The following AP1G2 variants were observed in gnomAD, a reference collection of about 807,000 sequenced individuals.
The protein encoded by AP1G2 is AP-1 complex subunit gamma-like 2.
A neutral mutation model predicts 95.8 loss-of-function variants in AP1G2; 85 were observed. That is an observed-to-expected ratio of 0.89 (90% CI 0.74 to 1.06). The LOEUF is 1.06. AP1G2 is among the 50% of genes least tolerant of loss of function. The pLI is 0.00. For missense variants in AP1G2, 967 were observed against 1,005.8 expected (o/e 0.96, Z 0.52); for synonymous variants, 378 against 400.0 (o/e 0.94, Z 0.66).
rs1048134682 is a variant in AP1G2 at position 23,562,770 on chromosome 14, A to G, written c.1411-177T>C. 9.0e-5 allele frequency: 60 copies of G among 663,820 alleles called. No individual in the cohort carries two copies. In the African/African-American group the frequency reaches 1.1e-3, roughly 12 times the overall value. The allele number at this position is 663,820 out of a possible 1,614,324, so 41.1% of individuals were successfully genotyped here. Reference sequence around the variant, plus strand: ...TTAAAAAAAAAAAGAGAGAGAGAGAAAGAAAGAAACACTGCTGGGCCAGTG... The same window carrying G: ...TTAAAAAAAAAAAGAGAGAGAGAGAGAGAAAGAAACACTGCTGGGCCAGTG... On this transcript the variant is annotated intron_variant, in intron 14 of 21. Transcript: ENST00000397120.
chr14:23,564,149 G>C lies in AP1G2; in HGVS notation c.988C>G (p.Leu330Val), dbSNP rs200868486. The change falls in exon 11 of 22, where the codon CTG becomes GTG. Residue 330 changes from leucine to valine, a missense_variant. Leu to Val is a conservative substitution (Grantham distance 32). Transcript: ENST00000397120. Reference sequence around the variant, plus strand: ...TGCACCAGTCGAAGCAGTGATGTCAGGGCTACATACCTGGTCAGGATGGGG... The same window carrying C: ...TGCACCAGTCGAAGCAGTGATGTCACGGCTACATACCTGGTCAGGATGGGG... ...NSDRNIRYVALTSLLRLVQSD... is the reference protein window; with the variant it reads ...NSDRNIRYVAVTSLLRLVQSD... 1 of 1,614,098 alleles carries C rather than the reference G, an allele frequency of 6.2e-7. No homozygotes were observed. The highest frequency in any genetic ancestry group is 1.3e-5 in the African/African-American group (1 of 75,060).
At position 23,562,596 on chromosome 14, in the gene AP1G2, A is replaced by G. The variant is rs775707167; in HGVS notation, c.1411-3T>C. ...GCTGCCACCTGCACCAGTGGTTGCT[A>G]CATGGGATAAGAAACTGCTGGGCTG... On this transcript the variant is annotated splice_polypyrimidine_tract_variant and splice_region_variant and intron_variant, in intron 14 of 21. Coordinates refer to ENST00000397120, the MANE Select transcript of AP1G2 (RefSeq NM_003917.5). 4 of 1,613,312 alleles carry G rather than the reference A, an allele frequency of 2.5e-6. No individual in the cohort carries two copies. The highest frequency in any genetic ancestry group is 3.4e-6 in the Non-Finnish European group (4 of 1,179,710).
Position 23,567,332 on chromosome 14 carries a change from G to A in AP1G2, c.-5-13C>T, listed in dbSNP as rs1034808037. The A allele has an allele frequency of 6.2e-6, 10 of 1,609,384 alleles. No homozygotes were observed. The highest frequency in any genetic ancestry group is 1.3e-5 in the African/African-American group (1 of 74,732). The stretch of plus-strand genomic sequence containing the variant: ...ACCACCATCCTGACTGGCAGAGTCC[G>A]GGAGTGGAGAAACACTCTCTGGTCG... On this transcript the variant is annotated splice_polypyrimidine_tract_variant and intron_variant, in intron 1 of 21. Coordinates refer to ENST00000397120, the MANE Select transcript of AP1G2 (RefSeq NM_003917.5). This position sits in a 1 kb window ranked among gnomAD's most constrained non-coding sequence, Gnocchi z 5.3.
chr14:23,567,513 T>G lies in AP1G2; in HGVS notation c.-5-194A>C. The G allele has an allele frequency of 2.2e-6, 3 of 1,377,764 alleles. No individual in the cohort carries two copies. Among genetic ancestry groups the G allele is most frequent in the Non-Finnish European group, 2.8e-6 (3 of 1,074,070 alleles). The allele number at this position is 1,377,764 out of a possible 1,614,324, so 85.3% of individuals were successfully genotyped here. A position where few individuals can be genotyped will look rare whatever the true frequency, so the allele number is the denominator to read the frequency against. On this transcript the variant is annotated intron_variant, in intron 1 of 21. Transcript: ENST00000397120. This position sits in a 1 kb window ranked among gnomAD's most constrained non-coding sequence, Gnocchi z 5.3. ...CACCGCCCGAGAAGCCCACTACGCATGCGTCCGCACCCCACCGGCGCCCCT... is the reference window on the plus strand; with the variant it reads ...CACCGCCCGAGAAGCCCACTACGCAGGCGTCCGCACCCCACCGGCGCCCCT...
chr14:23,565,053 GA>G, intron 8 of AP1G2, 65 bp downstream of exon 8: 1 of 1,495,302 alleles, frequency 6.7e-7, no homozygotes, highest in Non-Finnish European at 9.3e-7. Flanking sequence ...CGAGTCATGT[GA>G]GGGGCACCCA....
In AP1G2 at chr14:23,564,605, G is replaced by A. The variant is rs778792354; in HGVS notation, c.878C>T (p.Thr293Ile). The A allele has an allele frequency of 2.3e-5, 37 of 1,613,578 alleles. No individual in the cohort carries two copies. Among genetic ancestry groups the A allele is most frequent in the Non-Finnish European group, 3.1e-5 (37 of 1,180,024 alleles). ...GCGGATATCCATGATGGTGAGTACT[G>A]TCTCAAACAGGACCGCATTTCCGGC... is the stretch of plus-strand genomic sequence containing the variant. ...RNAGNAVLFE[T>I]VLTIMDIRSA... Residue 293 changes from threonine to isoleucine, a missense_variant, in exon 9 of 22, where the codon ACA becomes ATA. Physicochemically the swap from Thr to Ile is moderately conservative, Grantham distance 89. Coordinates refer to ENST00000397120, the MANE Select transcript of AP1G2 (RefSeq NM_003917.5).
chr14:23,566,811 C>T (rs1888252780), intron 2 of AP1G2, 125 bp from the exon 3 acceptor site: 2 of 1,373,228 alleles, frequency 1.5e-6, no homozygotes, highest in Non-Finnish European at 2.0e-6. Flanking sequence ...ACTCTCCCTT[C>T]AACAAGAGGA....
At position 23,564,436 on chromosome 14, in the gene AP1G2, A is replaced by T. The variant is rs73589291; in HGVS notation, c.922-48T>A. ...TCAGTCGGAAAGGAGCAACCTGCTCAGCCATTGAGGACTGGGAACACATTG... is the reference window on the plus strand; with the variant it reads ...TCAGTCGGAAAGGAGCAACCTGCTCTGCCATTGAGGACTGGGAACACATTG... On this transcript the variant is annotated intron_variant, in intron 9 of 21. Transcript: ENST00000397120. The T allele has an allele frequency of 6.3e-3, 10,197 of 1,610,610 alleles. 531 individuals carry two copies. In the African/African-American group the frequency reaches 0.11, roughly 18 times the overall value.
At position 23,566,563 on chromosome 14, in the gene AP1G2, T is replaced by C. The variant is rs188393245; in HGVS notation, c.328A>G (p.Asn110Asp). 62 of 1,614,018 alleles carry C rather than the reference T, an allele frequency of 3.8e-5. No homozygotes were observed. In the African/African-American group the frequency reaches 8.0e-4, roughly 21 times the overall value. ...AAGTGATTGCCAGAACCCTCTCACTTCTTGATGCTGTTGGTAATGAGCAGG... is the reference window on the plus strand; with the variant it reads ...AAGTGATTGCCAGAACCCTCTCACTCCTTGATGCTGTTGGTAATGAGCAGG... ...AHLLITNSIK[N>D]DLSQGIQPVQ... Residue 110 changes from asparagine (N) to aspartate (D), a missense_variant and splice_region_variant, in exon 3 of 22, where the codon AAT (asparagine) becomes GAT (aspartate). Asn to Asp is a conservative substitution (Grantham distance 23). Transcript: ENST00000397120.
chr14:23,564,101 G>A lies in AP1G2; in HGVS notation c.1036C>T (p.Arg346Trp), dbSNP rs150765007. 50 of 1,614,094 alleles carry A rather than the reference G, an allele frequency of 3.1e-5. No homozygotes were observed. Among genetic ancestry groups the A allele is most frequent in the South Asian group, 5.5e-5 (5 of 91,086 alleles). ...LVQSDHSAVQ[R>W]HRPTVVECLR... ...CATTCCACCACAGTGGGCCGATGCC[G>A]CTGCACAGCACTGTGATCAGACTGC... Residue 346 changes from arginine to tryptophan, a missense_variant, in exon 11 of 22, where the codon CGG becomes TGG. By Grantham distance (101) the Arg-to-Trp change is moderately radical. Coordinates refer to ENST00000397120, the MANE Select transcript of AP1G2 (RefSeq NM_003917.5).
chr14:23,562,636 C>T (rs1431502783), intron 14 of AP1G2, 43 bp from the exon 15 acceptor site: 2 of 1,581,150 alleles, frequency 1.3e-6, no homozygotes, highest in East Asian at 4.7e-5. Flanking sequence ...GGCATGGTGG[C>T]TCAAGCCTGT....
rs1356633680 is a variant in AP1G2, at chr14:23,563,593, C to G, written c.1278G>C (p.Val426=). ...CTGGCCCCTGCCTCACCGTTGTCAGCACATGCAGGATGGTGTCTATGTGCC... is the reference window on the plus strand; with the variant it reads ...CTGGCCCCTGCCTCACCGTTGTCAGGACATGCAGGATGGTGTCTATGTGCC... ...KRWHIDTILH[V]LTTAGTHVRD... is the part of the protein sequence containing the mutation. Residue 426 remains valine, a synonymous_variant, in exon 13 of 22, where the codon GTG becomes GTC. Coordinates refer to ENST00000397120, the MANE Select transcript of AP1G2 (RefSeq NM_003917.5). 1 of 1,614,228 alleles carries G rather than the reference C, an allele frequency of 6.2e-7. No individual in the cohort carries two copies. Among genetic ancestry groups the G allele is most frequent in the Non-Finnish European group, 8.5e-7 (1 of 1,180,034 alleles).
In AP1G2 at chr14:23,564,450, G is replaced by A; in HGVS notation, c.922-62C>T. On this transcript the variant is annotated intron_variant, in intron 9 of 21. Coordinates refer to ENST00000397120, the MANE Select transcript of AP1G2 (RefSeq NM_003917.5). The stretch of plus-strand genomic sequence containing the variant: ...GCAACCTGCTCAGCCATTGAGGACT[G>A]GGAACACATTGGCGCAAGATGATGG... 5 of 1,605,012 alleles carry A rather than the reference G, an allele frequency of 3.1e-6. No individual in the cohort carries two copies. In the South Asian group the frequency reaches 5.5e-5, roughly 18 times the overall value.
At position 23,561,356 on chromosome 14, in the gene AP1G2, G is replaced by A; in HGVS notation, c.1933C>T (p.Pro645Ser). The A allele has an allele frequency of 6.3e-7, 1 of 1,590,468 alleles. No homozygotes were observed. Among genetic ancestry groups the A allele is most frequent in the South Asian group, 1.1e-5 (1 of 88,082 alleles). Residue 645 changes from proline (P) to serine (S), a missense_variant, in exon 19 of 22, where the codon CCC becomes TCC. Pro to Ser is a moderately conservative substitution (Grantham distance 74, BLOSUM62 -1). Transcript: ENST00000397120. ...TGTACCAGGGCACCTCCTGGGGAGG[G>A]GTCCAGATGGGGAGGATGCTGGACA... is the stretch of plus-strand genomic sequence containing the variant. ...GDVQHPPHLD[P>S]SPGGALVHLL...
chr14:23,565,738 T>A, intron 6 of AP1G2, 37 bp from the exon 7 acceptor site: 1 of 1,610,138 alleles, frequency 6.2e-7, no homozygotes, highest in Non-Finnish European at 8.5e-7. Flanking sequence ...TTCGTTCTAA[T>A]CCTCTCCAGC....
At position 23,559,958 on chromosome 14, in the gene AP1G2, TGAAGAGCTGGGTGATAG is replaced by T. The variant is rs1349663747; in HGVS notation, c.2219_2235del (p.Pro740GlnfsTer6). The T allele has an allele frequency of 6.2e-7, 1 of 1,613,386 alleles. No homozygotes were observed. Among genetic ancestry groups the T allele is most frequent in the South Asian group, 1.1e-5 (1 of 90,974 alleles). ...CTCACCTTGTTAGGATTGAGGATTCTGAAGAGCTGGGTGATAGGAAGGCCACCCCGAGCTGGAACTGT... is the reference window on the plus strand; with the variant it reads ...CTCACCTTGTTAGGATTGAGGATTCTGAAGGCCACCCCGAGCTGGAACTGT... On this transcript the variant is annotated frameshift_variant, in exon 21 of 22. Coordinates refer to ENST00000397120, the MANE Select transcript of AP1G2 (RefSeq NM_003917.5). LOFTEE classifies it high-confidence loss of function.
Position 23,560,425 on chromosome 14 carries a change from T to C in AP1G2, c.1994-7A>G. ...TTGAGATCTGGGATGGGAGCTGGAG[T>C]AGGGAGACAGAAGCAGCTCAGTGTG... On this transcript the variant is annotated splice_region_variant and splice_polypyrimidine_tract_variant and intron_variant, in intron 19 of 21. Transcript: ENST00000397120. 1 of 1,609,768 alleles carries C rather than the reference T, an allele frequency of 6.2e-7. No homozygotes were observed. The highest frequency in any genetic ancestry group is 8.5e-7 in the Non-Finnish European group (1 of 1,177,352).
intron 14 of AP1G2, chr14:23,562,882 G>C (rs2281679): frequency 0.097 from 50,151 of 514,642 alleles, 3,260 homozygotes; most frequent in East Asian, 0.25. Context: ...TGGGGAAAGG[G>C]AAGTTTGTTA....
rs1888446596 is a variant in AP1G2, at chr14:23,567,140, T to C, written c.175A>G (p.Met59Val). 5 of 1,611,680 alleles carry C rather than the reference T, an allele frequency of 3.1e-6. No individual in the cohort carries two copies. The highest frequency in any genetic ancestry group is 1.7e-5 in the Admixed American group (1 of 59,432). Reference sequence around the variant, plus strand: ...CCAAAGTGGGCGGGGTAGCCCAACATGTGGACGTAGAGCAGTTTGGCCAGC... The same window carrying C: ...CCAAAGTGGGCGGGGTAGCCCAACACGTGGACGTAGAGCAGTTTGGCCAGC... ...RQLAKLLYVHMLGYPAHFGQM... is the reference protein window; with the variant it reads ...RQLAKLLYVHVLGYPAHFGQM... The change falls in exon 2 of 22, where the codon ATG becomes GTG. Residue 59 changes from methionine to valine, a missense_variant. Met to Val is a conservative substitution (Grantham distance 21). Transcript: ENST00000397120. This position sits in a 1 kb window ranked among gnomAD's most constrained non-coding sequence, Gnocchi z 5.3.
Sources: gnomAD v4.1 joint callset for allele counts on GRCh38, gnomAD v4.1.1 for gene constraint, Gnocchi (gnomAD v3.1) non-coding constraint, MANE v1.5 for transcripts, NCBI Gene and HGNC (gene_info 2026-07-23, HGNC 2026-07-21) for gene names.